LGSN: variants seen among roughly 807,000 people sequenced by gnomAD.
LGSN encodes the protein lengsin, lens protein with glutamine synthetase domain, also known as lengsin.
Under a neutral mutation model 19.5 loss-of-function variants are expected in LGSN, and 21 were observed. The observed-to-expected ratio is 1.07, with a 90% CI of 0.76 to 1.55. The LOEUF (loss-of-function observed/expected upper bound fraction) is 1.55, where lower values mean the gene tolerates loss of function less well. LGSN is among the 40% of genes most tolerant of loss of function. LGSN has a pLI of 0.00. For missense variants in LGSN, 673 were observed against 608.5 expected (o/e 1.11, Z -1.12); for synonymous variants, 257 against 215.6 (o/e 1.19, Z -1.68).
At chr6:63,459,215 T>A in the LGSN span, among the ~76,000 whole-genome samples, 1 of 152,186 alleles carries the variant, frequency 6.6e-6, no homozygotes, top group South Asian at 2.1e-4. Flanking sequence ...AGGTAAAATG[T>A]CAAACCATTT....
chr6:63,489,601 C>T, the LGSN span, among the ~76,000 whole-genome samples: 1 of 152,150 alleles, frequency 6.6e-6, no homozygotes, highest in African/African-American at 2.4e-5. Context: ...AACTCCTGAC[C>T]TCAAATGATC....
chr6:63,432,537 A>G, the LGSN span, among the ~76,000 whole-genome samples: 7 of 151,598 alleles, frequency 4.6e-5, no homozygotes, highest in Non-Finnish European at 1.0e-4. Context: ...TAAAAATACA[A>G]AAAAATTAGC....
the LGSN span, among the ~76,000 whole-genome samples, chr6:63,377,511 G>A: frequency 6.6e-6 from 1 of 152,200 alleles, no homozygotes; most frequent in Non-Finnish European, 1.5e-5. Context: ...ACCTCATGGT[G>A]TGATAAGTGC....
At chr6:63,395,845 G>T in the LGSN span, 1 of 154,764 alleles carries the variant, frequency 6.5e-6, no homozygotes, top group South Asian at 1.8e-4. Flanking sequence ...GGAGAGCCTG[G>T]AACTGGGGCT....
the LGSN span, among the ~76,000 whole-genome samples, chr6:63,367,170 A>G: frequency 6.6e-6 from 1 of 152,226 alleles, no homozygotes; most frequent in Non-Finnish European, 1.5e-5. Context: ...AGAATGGGAG[A>G]AAATTTTTAC....
At chr6:63,328,912 C>A in the LGSN span, among the ~76,000 whole-genome samples, 1 of 152,172 alleles carries the variant, frequency 6.6e-6, no homozygotes, top group Non-Finnish European at 1.5e-5. Context: ...GGAACCCCTT[C>A]AACTGTTTTA....
chr6:63,315,932 A>G (rs1003356613), intron 1 of LGSN, among the ~76,000 whole-genome samples: 1 of 151,944 alleles, frequency 6.6e-6, no homozygotes, highest in African/African-American at 2.4e-5. Flanking sequence ...TATCTTTTGA[A>G]GTAAAACAAA....
At chr6:63,353,413 A>G in the LGSN span, among the ~76,000 whole-genome samples, 2 of 152,096 alleles carry the variant, frequency 1.3e-5, no homozygotes, top group African/African-American at 4.8e-5. Flanking sequence ...ATATGCTCAC[A>G]GATGTTTAAG....
rs892564927 is a variant in LGSN at position 63,300,076 on chromosome 6, G to A, written c.31-5031C>T. On this transcript the variant is annotated intron_variant, in intron 1 of 3. Coordinates refer to ENST00000370657, the MANE Select transcript of LGSN (RefSeq NM_016571.3). Reference sequence around the variant, plus strand: ...GGTGGTCATGGTGAGGCCTGGAGACGTGTATGTCCACTGTACCTGGGCCAC... The same window carrying A: ...GGTGGTCATGGTGAGGCCTGGAGACATGTATGTCCACTGTACCTGGGCCAC... 3.9e-5 allele frequency among the ~76,000 whole-genome samples: 6 copies of A among 152,138 alleles called. 1 individual carries two copies. The highest frequency in any genetic ancestry group is 8.8e-5 in the Non-Finnish European group (6 of 68,030).
chr6:63,284,740 T>A (rs901024165), intron 3 of LGSN, among the ~76,000 whole-genome samples: 1 of 152,204 alleles, frequency 6.6e-6, no homozygotes, highest in Non-Finnish European at 1.5e-5. Context: ...GGAAACAATA[T>A]CTGCAAGCAG....
the LGSN span, among the ~76,000 whole-genome samples, chr6:63,474,935 T>A: frequency 6.6e-6 from 1 of 151,520 alleles, no homozygotes; most frequent in East Asian, 1.9e-4. Flanking sequence ...AAGGTTGACT[T>A]CCCCACAGAT....
At chr6:63,343,206 G>A in the LGSN span, among the ~76,000 whole-genome samples, 1 of 152,156 alleles carries the variant, frequency 6.6e-6, no homozygotes, top group Non-Finnish European at 1.5e-5. Flanking sequence ...AACTCAGTAT[G>A]TAGGCTTGCA....
At chr6:63,402,115 G>T in the LGSN span, among the ~76,000 whole-genome samples, 1 of 152,150 alleles carries the variant, frequency 6.6e-6, no homozygotes, top group African/African-American at 2.4e-5. Flanking sequence ...GAAGTTTGAT[G>T]ACAGTGGATT....
chr6:63,351,244 C>G, the LGSN span, among the ~76,000 whole-genome samples: 11 of 152,168 alleles, frequency 7.2e-5, no homozygotes, highest in Non-Finnish European at 1.3e-4. Context: ...ACTTCTCAAA[C>G]TTCAGAACTG....
At chr6:63,362,635 A>G in the LGSN span, among the ~76,000 whole-genome samples, 1 of 152,188 alleles carries the variant, frequency 6.6e-6, no homozygotes, top group Non-Finnish European at 1.5e-5. Flanking sequence ...GCAAGGCAGC[A>G]GTGAGGCTGG....
At chr6:63,559,312 G>A in the LGSN span, among the ~76,000 whole-genome samples, 6 of 152,086 alleles carry the variant, frequency 3.9e-5, no homozygotes, top group Admixed American at 1.3e-4. Context: ...GAGTTATTTG[G>A]GGGAAGTGAT....
chr6:63,337,831 T>A, the LGSN span, among the ~76,000 whole-genome samples: 2 of 150,834 alleles, frequency 1.3e-5, no homozygotes, highest in Non-Finnish European at 2.9e-5. Flanking sequence ...ATATGCAACA[T>A]AAGAGAAAGT....
the LGSN span, among the ~76,000 whole-genome samples, chr6:63,437,584 G>A: frequency 6.6e-6 from 1 of 152,206 alleles, no homozygotes; most frequent in African/African-American, 2.4e-5. Context: ...GATTGCTGGA[G>A]TCAAAATGTA....
chr6:63,449,142 C>T, the LGSN span, among the ~76,000 whole-genome samples: 1 of 152,196 alleles, frequency 6.6e-6, no homozygotes, highest in African/African-American at 2.4e-5. Flanking sequence ...CAATGCCCTG[C>T]AGACACAGAG....
Sources: gnomAD v4.1 joint callset for allele counts (sites outside exome capture counted in the v4.1 genomes callset) on GRCh38, gnomAD v4.1.1 for gene constraint, MANE v1.5 for transcripts, NCBI Gene and HGNC (gene_info 2026-07-23, HGNC 2026-07-21) for gene names.